Variants in KMT2C observed in about 807,000 individuals in gnomAD.
The protein encoded by KMT2C is histone-lysine N-methyltransferase 2C.
In KMT2C, 88 loss-of-function variants were observed where a neutral mutation model predicts 507.9. That is an observed-to-expected ratio of 0.17 (90% CI 0.15 to 0.21). KMT2C has a LOEUF of 0.21. Ranked by LOEUF, KMT2C falls within the 10% of genes least tolerant of loss-of-function variation. The pLI is 1.00. For synonymous variants in KMT2C, 2,049 were observed against 2,080.8 expected (o/e 0.98, Z 0.42); for missense variants, 4,954 against 5,957.8 (o/e 0.83, Z 5.55).
chr7:152,390,189 G>A (rs1353423828), intron 1 of KMT2C, among the ~76,000 whole-genome samples: 1 of 152,002 alleles, frequency 6.6e-6, no homozygotes, highest in Non-Finnish European at 1.5e-5. Context: ...AAACCTGCAC[G>A]TGTACCCCCT....
At chr7:152,173,826 TA>T (rs1326343676) in intron 39 of KMT2C, among the ~76,000 whole-genome samples, 1 of 152,234 alleles carries the variant, frequency 6.6e-6, no homozygotes, top group Non-Finnish European at 1.5e-5. Flanking sequence ...TAAAGGTATT[TA>T]AAAGAGCACA....
At chr7:152,245,138 A>G (rs867585437) in intron 14 of KMT2C, among the ~76,000 whole-genome samples, 2 of 152,200 alleles carry the variant, frequency 1.3e-5, no homozygotes, top group African/African-American at 4.8e-5. Context: ...TTTAGCAATT[A>G]TCTGCATTAA....
intron 14 of KMT2C, among the ~76,000 whole-genome samples, chr7:152,242,640 A>G (rs2095407419): frequency 6.6e-6 from 1 of 152,220 alleles, no homozygotes; most frequent in African/African-American, 2.4e-5. Context: ...TCTCAGGTAA[A>G]CTGTCCAAGC....
chr7:152,299,578 G>C (rs1415361704), intron 6 of KMT2C, among the ~76,000 whole-genome samples: 2 of 151,888 alleles, frequency 1.3e-5, no homozygotes, highest in Non-Finnish European at 2.9e-5. Context: ...GAGCCTAGCA[G>C]GTCAAGGCTG....
At chr7:152,327,976 G>GA (rs2096845896) in intron 3 of KMT2C, among the ~76,000 whole-genome samples, 2 of 135,706 alleles carry the variant, frequency 1.5e-5, no homozygotes, top group Non-Finnish European at 3.3e-5. Flanking sequence ...AAAAAAAAAA[G>GA]AAAAAAGAAA....
chr7:152,234,909 C>T (rs1189842423), intron 16 of KMT2C, among the ~76,000 whole-genome samples: 1 of 151,972 alleles, frequency 6.6e-6, no homozygotes, highest in Non-Finnish European at 1.5e-5. Context: ...AAAAAAAGTG[C>T]ACAGGTCTAC....
chr7:152,395,181 T>A (rs113991469), intron 1 of KMT2C, among the ~76,000 whole-genome samples: 1 of 152,056 alleles, frequency 6.6e-6, no homozygotes, highest in Non-Finnish European at 1.5e-5. Context: ...ATTAAAAAAA[T>A]TTTAAGGGTT....
chr7:152,299,488 T>TA (rs1563776222), intron 6 of KMT2C, among the ~76,000 whole-genome samples: 2 of 151,338 alleles, frequency 1.3e-5, no homozygotes, highest in Non-Finnish European at 2.9e-5. Flanking sequence ...ACCCCATATA[T>TA]AAAAAAATAA....
chr7:152,290,294 A>T (rs13247938), intron 6 of KMT2C, among the ~76,000 whole-genome samples: 517 of 21,418 alleles, frequency 0.024, 14 homozygotes, highest in Admixed American at 0.036. Context: ...ATATATATAT[A>T]TTTTTTTTTT....
intron 1 of KMT2C, among the ~76,000 whole-genome samples, chr7:152,379,297 T>C (rs2097351902): frequency 6.6e-6 from 1 of 152,050 alleles, no homozygotes; most frequent in Admixed American, 6.6e-5. Context: ...TCCCAGCACT[T>C]CGGGAGTCCA....
intron 16 of KMT2C, among the ~76,000 whole-genome samples, chr7:152,234,106 G>A (rs1434893652): frequency 1.3e-5 from 2 of 152,176 alleles, no homozygotes; most frequent in Admixed American, 1.3e-4. Context: ...CTGCACTCCA[G>A]CCTGGGCATG....
In KMT2C at chr7:152,174,222, G is replaced by C. The variant is rs1208081081; in HGVS notation, c.9283C>G (p.Pro3095Ala). 1 of 1,583,226 alleles carries C rather than the reference G, an allele frequency of 6.3e-7. No homozygotes were observed. Among genetic ancestry groups the C allele is most frequent in the Non-Finnish European group, 8.6e-7 (1 of 1,156,704 alleles). The change falls in exon 39 of 59, where the codon CCT becomes GCT. Residue 3095 changes from proline to alanine, a missense_variant. Coordinates refer to ENST00000262189, the MANE Select transcript of KMT2C (RefSeq NM_170606.3). ...GCCACCATTTTGGCTTTCATTATAG[G>C]ATCTGTAATTGCATCAAAATCTAGA... ...PNIDFDAITD[P>A]IMKAKMVALK... is the part of the protein sequence containing the mutation.
chr7:152,289,601 G>A (rs1292340599), intron 6 of KMT2C, among the ~76,000 whole-genome samples: 1 of 152,042 alleles, frequency 6.6e-6, no homozygotes. Context: ...TTGAAAAAAG[G>A]AATAAAGTGA....
intron 1 of KMT2C, among the ~76,000 whole-genome samples, chr7:152,410,590 A>AT (rs923266389): frequency 1.4e-5 from 1 of 70,360 alleles, no homozygotes; most frequent in Admixed American, 1.4e-4. Context: ...ATAAAATAAA[A>AT]TTTTTTTTAA....
chr7:152,423,601 A>T (rs1254105813), intron 1 of KMT2C, among the ~76,000 whole-genome samples: 1 of 152,164 alleles, frequency 6.6e-6, no homozygotes, highest in African/African-American at 2.4e-5. Flanking sequence ...AAAGGGAGAC[A>T]CTCCTGATGA....
At chr7:152,311,694 T>C in intron 5 of KMT2C, 104 bp downstream of exon 5, 1 of 804,706 alleles carries the variant, frequency 1.2e-6, no homozygotes, top group East Asian at 2.8e-5. Flanking sequence ...TGATTATAAT[T>C]ATTTCTAGAT....
intron 6 of KMT2C, among the ~76,000 whole-genome samples, chr7:152,308,592 T>C (rs568491967): frequency 6.8e-6 from 1 of 146,656 alleles, no homozygotes; most frequent in South Asian, 2.1e-4. Context: ...GCAGAATCAC[T>C]TGAACCCAGG....
Position 152,148,951 on chromosome 7 carries a change from T to C in KMT2C, c.12976A>G (p.Lys4326Glu). The stretch of plus-strand genomic sequence containing the variant: ...CGAGGCTTCAGCTTGACTGTCACCT[T>C]CAGCTCATCTGGCTTGGCCTCGACT... ...AQVEAKPDEL[K>E]VTVKLKPRLR... Residue 4326 changes from lysine (K) to glutamate (E), a missense_variant, in exon 52 of 59, where the codon AAG (lysine) becomes GAG (glutamate). This residue lies in a region of KMT2C where 417 missense variants were observed against 461.1 expected (regional missense o/e 0.90). Transcript: ENST00000262189. This position sits in a 1 kb window ranked among gnomAD's most constrained non-coding sequence, Gnocchi z 7.1. 2 of 1,607,870 alleles carry C rather than the reference T, an allele frequency of 1.2e-6. No homozygotes were observed. The highest frequency in any genetic ancestry group is 1.7e-6 in the Non-Finnish European group (2 of 1,176,836).
intron 2 of KMT2C, among the ~76,000 whole-genome samples, chr7:152,343,929 C>G (rs1292152681): frequency 6.6e-6 from 1 of 151,934 alleles, no homozygotes; most frequent in Non-Finnish European, 1.5e-5. Context: ...CGGTACAGGT[C>G]AAAAACTTAG....
Sources: allele counts gnomAD v4.1 joint callset (sites outside exome capture counted in the v4.1 genomes callset), GRCh38; gene constraint gnomAD v4.1.1; regional missense constraint gnomAD v4.1.1; non-coding constraint Gnocchi (gnomAD v3.1); transcripts MANE v1.5; gene names NCBI Gene and HGNC (gene_info 2026-07-23, HGNC 2026-07-21).